Variants in SYT1 observed in about 807,000 individuals in gnomAD.
SYT1 encodes the protein synaptotagmin-1.
SYT1 carries 8 observed loss-of-function variants against 44.8 expected under a neutral mutation model. That is an observed-to-expected ratio of 0.18 (90% CI 0.10 to 0.32). The LOEUF (loss-of-function observed/expected upper bound fraction) is 0.32, where lower values mean the gene tolerates loss of function less well. Ranked by LOEUF, SYT1 falls within the 10% of genes least tolerant of loss-of-function variation. The pLI is 1.00. For synonymous variants in SYT1, 154 were observed against 188.8 expected, an observed-to-expected ratio of 0.82 and a Z score of 1.51; for missense variants, 286 against 509.3, an observed-to-expected ratio of 0.56 and a Z score of 4.22.
At chr12:78,876,716 T>TATATAATATAATTATATATTATATA (rs1874107413) in intron 1 of SYT1, among the ~76,000 whole-genome samples, 1 of 111,162 alleles carries the variant, frequency 9.0e-6, no homozygotes, top group Non-Finnish European at 1.7e-5. Flanking sequence ...TATAATATAT[T>TATATAATATAATTATATATTATATA]ATATAATATA....
chr12:79,358,820 C>T (rs76998421), intron 9 of SYT1, among the ~76,000 whole-genome samples: 5,011 of 152,194 alleles, frequency 0.033, 90 homozygotes, highest in Middle Eastern at 0.065. Flanking sequence ...ATGGAGTCTT[C>T]ATGGATTGTT....
chr12:79,218,681 A>G (rs1028001318), intron 4 of SYT1, among the ~76,000 whole-genome samples: 1 of 152,152 alleles, frequency 6.6e-6, no homozygotes, highest in East Asian at 1.9e-4. Context: ...AGGTTCATTC[A>G]TGTTGTCACG....
chr12:79,252,175 G>A (rs1465040232), intron 4 of SYT1, among the ~76,000 whole-genome samples: 1 of 152,080 alleles, frequency 6.6e-6, no homozygotes, highest in Non-Finnish European at 1.5e-5. Context: ...CTAAATGTGA[G>A]CAAGAACCTA....
At position 79,349,057 on chromosome 12, in the gene SYT1, G is replaced by GAAAAA. The variant is rs1565920012; in HGVS notation, c.811-4445_811-4444insAAAAA. 6.4e-3 allele frequency among the ~76,000 whole-genome samples: 857 copies of GAAAAA among 134,890 alleles called. 12 individuals are homozygous for GAAAAA. The highest frequency in any genetic ancestry group is 0.023 in the African/African-American group (781 of 34,202). 88.5% of individuals were successfully genotyped at this position (134,890 alleles called of 152,430 possible). Reference sequence around the variant, plus strand: ...AAAAAGAAAGAAAGAAAGAAAGAAAGGAGGGAGGGAGGGAGGGAGGGAAGG... The same window carrying GAAAAA: ...AAAAAGAAAGAAAGAAAGAAAGAAAGAAAAAGAGGGAGGGAGGGAGGGAGGGAAGG... On this transcript the variant is annotated intron_variant, in intron 8 of 10. Transcript: ENST00000261205.
intron 1 of SYT1, among the ~76,000 whole-genome samples, chr12:78,939,158 C>T (rs1044279590): frequency 3.9e-5 from 6 of 152,080 alleles, no homozygotes; most frequent in African/African-American, 7.2e-5. Flanking sequence ...AAACCTAGCT[C>T]ATAAAATGAA....
intron 9 of SYT1, among the ~76,000 whole-genome samples, chr12:79,362,167 C>G (rs1329727393): frequency 6.6e-6 from 1 of 152,038 alleles, no homozygotes; most frequent in Non-Finnish European, 1.5e-5. Context: ...CCTTAAAACT[C>G]ATAATTCTGA....
chr12:79,205,327 A>G (rs1874055784), intron 3 of SYT1, among the ~76,000 whole-genome samples: 2 of 152,114 alleles, frequency 1.3e-5, no homozygotes, highest in South Asian at 4.1e-4. Context: ...CATTTGAAAA[A>G]ACTCATATCT....
intron 8 of SYT1, among the ~76,000 whole-genome samples, chr12:79,305,600 G>C (rs1481854880): frequency 6.6e-6 from 1 of 152,052 alleles, no homozygotes; most frequent in Non-Finnish European, 1.5e-5. Context: ...TACAAAACAG[G>C]GAAGGAAGGG....
intron 9 of SYT1, among the ~76,000 whole-genome samples, chr12:79,357,814 C>T (rs1883170913): frequency 6.6e-6 from 1 of 152,130 alleles, no homozygotes; most frequent in Non-Finnish European, 1.5e-5. Flanking sequence ...GCTTCGTTGC[C>T]TTTTACACAT....
At position 79,125,798 on chromosome 12, in the gene SYT1, G is replaced by A. The variant is rs527554538; in HGVS notation, c.-18+78436G>A. Among the ~76,000 whole-genome samples the A allele has an allele frequency of 2.6e-5, 4 of 152,202 alleles. No homozygotes were observed. In the South Asian group the frequency reaches 8.3e-4, roughly 32 times the overall value. Reference sequence around the variant, plus strand: ...ACATTCACTCTTCCTGGAACAGGTAGCCCCCAAGTTTCTTCATGTCTTTGC... The same window carrying A: ...ACATTCACTCTTCCTGGAACAGGTAACCCCCAAGTTTCTTCATGTCTTTGC... On this transcript the variant is annotated intron_variant, in intron 3 of 10. Transcript: ENST00000261205.
chr12:79,026,657 CATATATATTTTATATATATATAT>C (rs1388546820), intron 2 of SYT1, among the ~76,000 whole-genome samples: 2 of 89,076 alleles, frequency 2.2e-5, no homozygotes, highest in East Asian at 6.6e-4. Context: ...TGTGTATATA[CATATATATTTTATATATATATAT>C]ATATATATAT....
chr12:79,235,395 A>G (rs556186837), intron 4 of SYT1, among the ~76,000 whole-genome samples: 3 of 152,172 alleles, frequency 2.0e-5, no homozygotes, highest in South Asian at 4.1e-4. Flanking sequence ...AAACTGTAAA[A>G]CTTCTAGAAG....
chr12:79,216,721 A>C (rs1874830055), intron 3 of SYT1, among the ~76,000 whole-genome samples: 1 of 152,190 alleles, frequency 6.6e-6, no homozygotes, highest in South Asian at 2.1e-4. Flanking sequence ...ACTTAAAATA[A>C]TTGAATACAT....
chr12:79,246,265 G>A (rs777852514), intron 4 of SYT1, among the ~76,000 whole-genome samples: 2 of 151,970 alleles, frequency 1.3e-5, no homozygotes, highest in Non-Finnish European at 2.9e-5. Context: ...ACTTATTTTC[G>A]CCTCTACTCT....
intron 2 of SYT1, among the ~76,000 whole-genome samples, chr12:79,007,026 AT>A (rs949558534): frequency 3.9e-5 from 6 of 152,004 alleles, no homozygotes; most frequent in African/African-American, 1.4e-4. Flanking sequence ...GCCCATTAAC[AT>A]TTCAGTTTAT....
chr12:78,945,139 T>C (rs1040254728), intron 1 of SYT1, among the ~76,000 whole-genome samples: 1 of 152,186 alleles, frequency 6.6e-6, no homozygotes, highest in African/African-American at 2.4e-5. Context: ...CAGGTGTGTA[T>C]AGACAAAACT....
intron 3 of SYT1, among the ~76,000 whole-genome samples, chr12:79,056,473 G>A (rs1026588022): frequency 2.5e-4 from 38 of 151,944 alleles, no homozygotes; most frequent in Non-Finnish European, 5.3e-4. Context: ...GACAGTCTTC[G>A]TGGCCCTAGA....
chr12:79,447,199 G>T (rs1870784613), intron 10 of SYT1, among the ~76,000 whole-genome samples: 1 of 151,820 alleles, frequency 6.6e-6, no homozygotes, highest in African/African-American at 2.4e-5. Flanking sequence ...TGCTCCTTGA[G>T]TCACTTTGTT....
intron 1 of SYT1, among the ~76,000 whole-genome samples, chr12:78,907,914 T>A (rs1876089016): frequency 6.6e-6 from 1 of 152,026 alleles, no homozygotes; most frequent in African/African-American, 2.4e-5. Context: ...AGGTAATGAG[T>A]AATTTAATTA....
Sources: gnomAD v4.1 joint callset for allele counts (sites outside exome capture counted in the v4.1 genomes callset) on GRCh38, gnomAD v4.1.1 for gene constraint, MANE v1.5 for transcripts, NCBI Gene and HGNC (gene_info 2026-07-23, HGNC 2026-07-21) for gene names.